DPP6: variants seen among roughly 807,000 people sequenced by gnomAD.
DPP6 encodes the protein dipeptidyl peptidase like 6, also known as A-type potassium channel modulatory protein DPP6.
DPP6 carries 69 observed loss-of-function variants against 122.6 expected under a neutral mutation model. The observed-to-expected ratio is 0.56, with a 90% CI of 0.46 to 0.69. DPP6 has a LOEUF of 0.69. Among genes scored for constraint, DPP6 ranks in the 30% least tolerant of loss-of-function variants. The pLI is 0.00. For missense variants in DPP6, 928 were observed against 1,116.9 expected (o/e 0.83, Z 2.41); for synonymous variants, 418 against 433.1 (o/e 0.97, Z 0.43).
chr7:154,504,698 C>G (rs573723730), intron 3 of DPP6, among the ~76,000 whole-genome samples: 1 of 152,130 alleles, frequency 6.6e-6, no homozygotes, highest in African/African-American at 2.4e-5. Flanking sequence ...CTCAAAATAG[C>G]CTTTCTTAAC....
At chr7:153,928,936 G>A (rs1801048732) in intron 1 of DPP6, among the ~76,000 whole-genome samples, 1 of 152,132 alleles carries the variant, frequency 6.6e-6, no homozygotes, top group South Asian at 2.1e-4. Flanking sequence ...CCCGCACGTC[G>A]ATTCAGAGAA....
In DPP6 at chr7:154,014,883, A is replaced by G. The variant is rs546440057; in HGVS notation, c.51+127149A>G. ...TAAGGATCCCATTAAAGGTCAAACC[A>G]TCTAATTCTTAATCTCACGGCACCT... On this transcript the variant is annotated intron_variant, in intron 1 of 25. Coordinates refer to the DPP6 transcript ENST00000404039. 1.9e-3 allele frequency among the ~76,000 whole-genome samples: 291 copies of G among 152,062 alleles called. 2 individuals carry two copies. The highest frequency in any genetic ancestry group is 6.2e-3 in the African/African-American group (256 of 41,482).
At chr7:154,089,206 A>G (rs558817537) in intron 1 of DPP6, among the ~76,000 whole-genome samples, 1 of 152,110 alleles carries the variant, frequency 6.6e-6, no homozygotes, top group African/African-American at 2.4e-5. Flanking sequence ...GCTCAATGCA[A>G]GTCCAACATT....
chr7:153,918,114 G>A (rs1471663765), intron 1 of DPP6, among the ~76,000 whole-genome samples: 5 of 152,114 alleles, frequency 3.3e-5, no homozygotes, highest in African/African-American at 1.2e-4. Context: ...CTACCACATG[G>A]CACATTTATT....
intron 1 of DPP6, among the ~76,000 whole-genome samples, chr7:154,344,360 A>AT (rs1563516398): frequency 1.3e-5 from 2 of 152,206 alleles, no homozygotes; most frequent in Non-Finnish European, 2.9e-5. Context: ...CAAAACTGCA[A>AT]TGAGGTATCA....
intron 16 of DPP6, among the ~76,000 whole-genome samples, chr7:154,820,479 C>T (rs531779879): frequency 1.3e-5 from 2 of 152,262 alleles, no homozygotes; most frequent in East Asian, 3.9e-4. Flanking sequence ...ACCCCAGTTG[C>T]CCCCAAAAGC....
At chr7:154,095,525 G>A (rs1365088529) in intron 1 of DPP6, 1 of 141,230 alleles carries the variant, frequency 7.1e-6, no homozygotes, top group African/African-American at 2.6e-5. Flanking sequence ...CCCTAAAGCA[G>A]CACCAGTCCT....
intron 1 of DPP6, among the ~76,000 whole-genome samples, chr7:154,287,483 T>G (rs1804931738): frequency 6.6e-6 from 1 of 152,216 alleles, no homozygotes; most frequent in Non-Finnish European, 1.5e-5. Context: ...GTCAGCTTGT[T>G]ATGCTGCTGG....
At chr7:154,367,519 G>T (rs918286294) in intron 1 of DPP6, among the ~76,000 whole-genome samples, 11 of 152,112 alleles carry the variant, frequency 7.2e-5, no homozygotes, top group African/African-American at 2.7e-4. Flanking sequence ...CCAACACCTG[G>T]TGTATGTTCA....
intron 1 of DPP6, among the ~76,000 whole-genome samples, chr7:154,177,665 C>T (rs1029461575): frequency 8.5e-5 from 13 of 152,180 alleles, no homozygotes; most frequent in African/African-American, 3.1e-4. Context: ...AAATAATCAT[C>T]TGTGATATGA....
chr7:154,861,623 T>G (rs1414460140), intron 17 of DPP6, among the ~76,000 whole-genome samples: 3 of 152,252 alleles, frequency 2.0e-5, no homozygotes, highest in African/African-American at 7.2e-5. Context: ...GATGGAATTA[T>G]TATCATAATT....
intron 3 of DPP6, among the ~76,000 whole-genome samples, chr7:154,495,648 C>G (rs1824671374): frequency 2.0e-5 from 3 of 152,122 alleles, no homozygotes. Flanking sequence ...CCTTGATCTC[C>G]CAAAGTGCTG....
intron 25 of DPP6, chr7:154,889,946 G>T (rs778737852): frequency 5.1e-6 from 1 of 196,062 alleles, no homozygotes; most frequent in African/African-American, 2.3e-5. Context: ...GCTTCCCTCT[G>T]ACCAACACCA....
intron 1 of DPP6, among the ~76,000 whole-genome samples, chr7:154,291,022 G>C (rs1805174384): frequency 1.3e-5 from 2 of 152,160 alleles, no homozygotes; most frequent in Non-Finnish European, 2.9e-5. Context: ...CATTTCAGGA[G>C]AAGTGGAAAC....
intron 1 of DPP6, among the ~76,000 whole-genome samples, chr7:154,382,816 C>T (rs55849309): frequency 0.045 from 6,825 of 152,260 alleles, 283 homozygotes; most frequent in East Asian, 0.11. Context: ...ACCTCTGCCT[C>T]CTGGGTTCAA....
intron 6 of DPP6, among the ~76,000 whole-genome samples, chr7:154,646,821 G>T (rs1217020784): frequency 1.3e-5 from 2 of 152,138 alleles, no homozygotes; most frequent in East Asian, 3.9e-4. Flanking sequence ...CAGGTCTTAT[G>T]CTCTTTCCAG....
At chr7:154,881,006 C>G (rs556109486) in intron 21 of DPP6, 64 bp downstream of exon 21, 1 of 1,560,800 alleles carries the variant, frequency 6.4e-7, no homozygotes, top group East Asian at 2.3e-5. Context: ...CCATTACCCA[C>G]GTCTAATCCT....
At chr7:154,484,053 G>C (rs1318268311) in intron 3 of DPP6, among the ~76,000 whole-genome samples, 1 of 152,148 alleles carries the variant, frequency 6.6e-6, no homozygotes, top group Non-Finnish European at 1.5e-5. Flanking sequence ...ACACTTACAA[G>C]GCCAACTGGC....
Position 154,241,226 on chromosome 7 carries a change from T to G in DPP6, c.243+188163T>G, listed in dbSNP as rs62484150. ...GTGTGTGTGTGTGTGTGTGTATATA[T>G]ATATAGAGAGAGAGAGAGACACTTT... On this transcript the variant is annotated intron_variant, in intron 1 of 25. Coordinates refer to ENST00000377770, the MANE Select transcript of DPP6 (RefSeq NM_130797.4). The surrounding 1 kb of genome is among the most constrained non-coding windows in gnomAD (Gnocchi z 9.0). 0.055 allele frequency among the ~76,000 whole-genome samples: 8,307 copies of G among 150,386 alleles called. 289 individuals are homozygous for G. Among genetic ancestry groups the G allele is most frequent in the African/African-American group, 0.079 (3,147 of 40,070 alleles).
Sources: allele counts gnomAD v4.1 joint callset (sites outside exome capture counted in the v4.1 genomes callset), GRCh38; gene constraint gnomAD v4.1.1; non-coding constraint Gnocchi (gnomAD v3.1); transcripts MANE v1.5; gene names NCBI Gene and HGNC (gene_info 2026-07-23, HGNC 2026-07-21).